IGSF1: variants seen among roughly 807,000 people sequenced by gnomAD.
IGSF1 encodes immunoglobulin superfamily member 1.
A neutral mutation model predicts 95.3 loss-of-function variants in IGSF1; 40 were observed. That is an observed-to-expected ratio of 0.42 (90% CI 0.33 to 0.55). The LOEUF (loss-of-function observed/expected upper bound fraction) is 0.55, where lower values mean the gene tolerates loss of function less well. IGSF1 is among the 20% of genes least tolerant of loss of function. IGSF1 has a pLI of 0.10. For synonymous variants in IGSF1, 372 were observed against 382.9 expected (o/e 0.97, Z 0.33); for missense variants, 906 against 1,025.4 (o/e 0.88, Z 1.59).
chrX:131,276,795 T>C (rs2080480283), intron 14 of IGSF1, 144 bp downstream of exon 14: 3 of 528,210 alleles, frequency 5.7e-6, no homozygotes, highest in Non-Finnish European at 6.3e-6. Context: ...CTGTGCATCA[T>C]GGACTGGTCA....
At chrX:131,286,978 C>G (rs2080649398) in intron 1 of IGSF1, among the ~76,000 whole-genome samples, 1 of 109,892 alleles carries the variant, frequency 9.1e-6, no homozygotes, top group African/African-American at 3.3e-5. Flanking sequence ...TCTCTGGGAT[C>G]TCAGAAGCCC....
At chrX:131,283,555 C>T (rs773673235) in intron 5 of IGSF1, among the ~76,000 whole-genome samples, 14 of 111,859 alleles carry the variant, frequency 1.3e-4, no homozygotes, top group Admixed American at 4.7e-4. Context: ...CCCTGAAATG[C>T]CAAATGTAGT....
rs1028067011 is a variant in IGSF1 at position 131,281,408 on chromosome X, GA to G, written c.1526-71del. The G allele has an allele frequency of 5.3e-6, 6 of 1,141,158 alleles. No homozygotes were observed. In the African/African-American group the frequency reaches 1.1e-4, roughly 20 times the overall value. 94.0% of individuals were successfully genotyped at this position (1,141,158 alleles called of 1,213,427 possible). On this transcript the variant is annotated intron_variant, in intron 8 of 19. Coordinates refer to ENST00000361420, the MANE Select transcript of IGSF1 (RefSeq NM_001555.5). ...GGGCAGGTGAATACATTCATGGGGTGAGGACAATCTGGTTACTGACAGTGCT... is the reference window on the plus strand; with the variant it reads ...GGGCAGGTGAATACATTCATGGGGTGGGACAATCTGGTTACTGACAGTGCT...
In IGSF1 at chrX:131,285,485, C is replaced by T; in HGVS notation, c.380-19G>A. On this transcript the variant is annotated intron_variant, in intron 4 of 19. Coordinates refer to ENST00000361420, the MANE Select transcript of IGSF1 (RefSeq NM_001555.5). ...AGTTGGCCTGGAAGGATAGAATGAA[C>T]TGGAATTAGGTAAAGCAAGGATAGT... is the stretch of plus-strand genomic sequence containing the variant. 2 of 1,194,078 alleles carry T rather than the reference C, an allele frequency of 1.7e-6. No individual in the cohort carries two copies. The highest frequency in any genetic ancestry group is 2.3e-6 in the Non-Finnish European group (2 of 886,295).
chrX:131,278,174 G>A, intron 12 of IGSF1, 40 bp from the exon 13 acceptor site: 2 of 1,162,221 alleles, frequency 1.7e-6, no homozygotes, highest in African/African-American at 3.5e-5. Context: ...TCAGAAGTTT[G>A]CAGTTGCCCA....
At position 131,277,131 on chromosome X, in the gene IGSF1, T is replaced by A; in HGVS notation, c.2416A>T (p.Met806Leu). The A allele has an allele frequency of 1.7e-6, 2 of 1,210,811 alleles. No individual in the cohort carries two copies. The highest frequency in any genetic ancestry group is 2.2e-6 in the Non-Finnish European group (2 of 894,851). Reference sequence around the variant, plus strand: ...CCATCTTTGTAAAGAATAAAGCTCATATGCTGGTGGGGGGTGGAGCAATTG... The same window carrying A: ...CCATCTTTGTAAAGAATAAAGCTCAAATGCTGGTGGGGGGTGGAGCAATTG... ...TFNCSTPHQH[M>L]SFILYKDGSE... Residue 806 changes from methionine (M) to leucine (L), a missense_variant, in exon 14 of 20, where the codon ATG (methionine) becomes TTG (leucine). By Grantham distance (15) the Met-to-Leu change is conservative. Around this residue, in one of 5 missense-constraint regions of IGSF1, gnomAD observed 411 missense variants for 494.9 expected, o/e 0.83. Coordinates refer to ENST00000361420, the MANE Select transcript of IGSF1 (RefSeq NM_001555.5).
chrX:131,274,550 G>A (rs1386583160), intron 18 of IGSF1, 49 bp downstream of exon 18: 3 of 1,152,802 alleles, frequency 2.6e-6, no homozygotes, highest in Middle Eastern at 3.0e-4. Flanking sequence ...GACTGTCCCT[G>A]GGATCCCAGG....
Position 131,273,782 on chromosome X carries a change from A to AAAG in IGSF1, c.*11_*13dup. On this transcript the variant is annotated 3_prime_UTR_variant, in exon 20 of 20. Transcript: ENST00000361420. ...AGAGAGAGGAGAGGAAAGCTCTTGT[A>AAAG]AAGGAGGAGATTATTATATTGGAAC... 1 of 1,200,395 alleles carries AAAG rather than the reference A, an allele frequency of 8.3e-7. No homozygotes were observed. The highest frequency in any genetic ancestry group is 1.1e-6 in the Non-Finnish European group (1 of 888,835).
chrX:131,283,754 A>G (rs2080594810), intron 5 of IGSF1, among the ~76,000 whole-genome samples: 1 of 112,218 alleles, frequency 8.9e-6, no homozygotes, highest in Non-Finnish European at 1.9e-5. Context: ...ACCCAAATAA[A>G]TCTTTGTTAT....
Position 131,277,150 on chromosome X carries a change from G to A in IGSF1, c.2397C>T (p.Cys799=). 1 of 1,210,723 alleles carries A rather than the reference G, an allele frequency of 8.3e-7. No homozygotes were observed. The highest frequency in any genetic ancestry group is 1.1e-6 in the Non-Finnish European group (1 of 894,655). Residue 799 remains cysteine (C), a synonymous_variant, in exon 14 of 20, where the codon TGC becomes TGT. Transcript: ENST00000361420. ...VTPGARVTFN[C]STPHQHMSFI... is the part of the protein sequence containing the mutation. ...AGCTCATATGCTGGTGGGGGGTGGA[G>A]CAATTGAAAGTCACTCGGGCACCAG...
At chrX:131,277,749 C>T in intron 13 of IGSF1, 107 bp downstream of exon 13, 1 of 930,602 alleles carries the variant, frequency 1.1e-6, no homozygotes, top group Non-Finnish European at 1.5e-6. Context: ...GACACAGGCT[C>T]TCAGGACCAG....
intron 5 of IGSF1, chrX:131,284,504 TAGAG>T: frequency 1.3e-6 from 1 of 753,292 alleles, no homozygotes. Context: ...TTTAGCTGGA[TAGAG>T]AGACTAAAGC....
rs750582498 is a variant in IGSF1 at position 131,278,072 on chromosome X, G to A, written c.2104C>T (p.Arg702Trp). 2.5e-6 allele frequency: 3 copies of A among 1,211,019 alleles called. No individual in the cohort carries two copies. Among genetic ancestry groups the A allele is most frequent in the South Asian group, 1.8e-5 (1 of 56,942 alleles). The change falls in exon 13 of 20, where the codon CGG becomes TGG. Residue 702 changes from arginine to tryptophan, a missense_variant. Physicochemically the swap from Arg to Trp is moderately radical, Grantham distance 101. Around this residue, in one of 5 missense-constraint regions of IGSF1, gnomAD observed 411 missense variants for 494.9 expected, o/e 0.83. Coordinates refer to ENST00000361420, the MANE Select transcript of IGSF1 (RefSeq NM_001555.5). The stretch of plus-strand genomic sequence containing the variant: ...ATGCCTGCCAGCCATCCTTTGCACC[G>A]GAGTTGTAGTTCCTGGCCCCGGATT... Reference protein sequence around the residue: ...PTIRGQELQLRCKGWLAGMGF... With the variant: ...PTIRGQELQLWCKGWLAGMGF...
intron 9 of IGSF1, 54 bp downstream of exon 9, chrX:131,281,164 C>CA: frequency 1.7e-6 from 2 of 1,189,430 alleles, no homozygotes; most frequent in Non-Finnish European, 2.3e-6. Context: ...GGGCATGACT[C>CA]ATTCTTCAGA....
At chrX:131,277,310 T>G in intron 13 of IGSF1, 84 bp from the exon 14 acceptor site, 1 of 902,371 alleles carries the variant, frequency 1.1e-6, no homozygotes, top group Non-Finnish European at 1.5e-6. Flanking sequence ...AGAAAGCAAA[T>G]ATAGCAAATA....
chrX:131,288,686 C>T (rs997657788), intron 1 of IGSF1, among the ~76,000 whole-genome samples: 2 of 110,864 alleles, frequency 1.8e-5, no homozygotes, highest in East Asian at 2.8e-4. Flanking sequence ...AATCTTATAC[C>T]GGGGGAACAT....
intron 4 of IGSF1, 87 bp from the exon 5 acceptor site, chrX:131,285,553 G>T (rs993964783): frequency 6.5e-5 from 65 of 998,915 alleles, no homozygotes; most frequent in Non-Finnish European, 8.7e-5. Context: ...TTTAATTGAG[G>T]TTTCCCTGTA....
In IGSF1 at chrX:131,277,963, T is replaced by C; in HGVS notation, c.2213A>G (p.Gln738Arg). The change falls in exon 13 of 20, where the codon CAG (glutamine) becomes CGG (arginine). Residue 738 changes from glutamine (Q) to arginine (R), a missense_variant. Gln to Arg is a conservative substitution (Grantham distance 43, BLOSUM62 1). Transcript: ENST00000361420. ...GCCTTCGTCTTTATCCTCCATTCTC[T>C]GGATTGTAAAGAAGGCTTCTCTTCC... ...AVGREAFFTI[Q>R]RMEDKDEGNY... is the part of the protein sequence containing the mutation. 8.3e-7 allele frequency: 1 copy of C among 1,211,171 alleles called. No homozygotes were observed. Among genetic ancestry groups the C allele is most frequent in the Non-Finnish European group, 1.1e-6 (1 of 895,148 alleles).
At chrX:131,280,375 T>C (rs1301920635) in intron 9 of IGSF1, among the ~76,000 whole-genome samples, 1 of 111,383 alleles carries the variant, frequency 9.0e-6, no homozygotes, top group Non-Finnish European at 1.9e-5. Context: ...CATAATCCAT[T>C]GTGCATTGAA....
Sources: allele counts gnomAD v4.1 joint callset (sites outside exome capture counted in the v4.1 genomes callset), GRCh38; gene constraint gnomAD v4.1.1; regional missense constraint gnomAD v4.1.1; transcripts MANE v1.5; gene names NCBI Gene and HGNC (gene_info 2026-07-23, HGNC 2026-07-21).